ADAMTS6: variants seen among roughly 807,000 people sequenced by gnomAD.
The protein encoded by ADAMTS6 is ADAM metallopeptidase with thrombospondin type 1 motif 6, also known as A disintegrin and metalloproteinase with thrombospondin motifs 6.
Under a neutral mutation model 144.3 loss-of-function variants are expected in ADAMTS6, and 23 were observed. The observed-to-expected ratio is 0.16, with a 90% CI of 0.11 to 0.23. ADAMTS6 has a LOEUF of 0.23. Among genes scored for constraint, ADAMTS6 ranks in the 10% least tolerant of loss-of-function variants. The pLI is 1.00. For missense variants in ADAMTS6, 999 were observed against 1,379.6 expected (o/e 0.72, Z 4.37); for synonymous variants, 444 against 457.5 (o/e 0.97, Z 0.38).
chr5:65,271,466 T>G, intron 12 of ADAMTS6, among the ~76,000 whole-genome samples: 1 of 152,116 alleles, frequency 6.6e-6, no homozygotes, highest in Admixed American at 6.6e-5. Context: ...TTTAAAATTG[T>G]CTGAGAGTAT....
At chr5:65,461,375 A>G (rs968488874) in intron 3 of ADAMTS6, among the ~76,000 whole-genome samples, 4 of 152,244 alleles carry the variant, frequency 2.6e-5, no homozygotes. Flanking sequence ...GTTATATCTC[A>G]TATTTCTTCG....
intron 7 of ADAMTS6, among the ~76,000 whole-genome samples, chr5:65,389,631 C>G (rs1752749150): frequency 6.7e-6 from 1 of 150,182 alleles, no homozygotes; most frequent in Non-Finnish European, 1.5e-5. Flanking sequence ...AGTACCTAGC[C>G]AAAGCCAGCT....
intron 14 of ADAMTS6, among the ~76,000 whole-genome samples, chr5:65,246,595 G>C (rs527426256): frequency 6.6e-6 from 1 of 152,254 alleles, no homozygotes; most frequent in East Asian, 1.9e-4. Flanking sequence ...CAAGTGGAGA[G>C]TGAAAAGGAA....
intron 14 of ADAMTS6, among the ~76,000 whole-genome samples, chr5:65,245,777 A>G (rs1338909990): frequency 2.0e-5 from 3 of 152,112 alleles, no homozygotes; most frequent in Admixed American, 6.5e-5. Flanking sequence ...CAACTACTCA[A>G]CTGTGCATTA....
intron 9 of ADAMTS6, among the ~76,000 whole-genome samples, chr5:65,321,362 T>A (rs181466008): frequency 6.6e-6 from 1 of 152,294 alleles, no homozygotes; most frequent in African/African-American, 2.4e-5. Context: ...TGTCTGTTCA[T>A]GTCCTTTGCC....
intron 7 of ADAMTS6, among the ~76,000 whole-genome samples, chr5:65,397,147 A>G (rs1041255871): frequency 6.6e-6 from 1 of 152,226 alleles, no homozygotes; most frequent in African/African-American, 2.4e-5. Context: ...GCATTCCATT[A>G]TAACATTTTT....
chr5:65,151,870 C>G lies in ADAMTS6; in HGVS notation c.3320G>C (p.Arg1107Thr). ...KFKFCSRAYF[R>T]QMCCKTCQGH The stretch of plus-strand genomic sequence containing the variant: ...TTGGCAGGTCTTACAACACATCTGT[C>G]TGAAGTATGCTCGACTGCAGAACTT... Residue 1107 changes from arginine (R) to threonine (T), a missense_variant, in exon 25 of 25, where the codon AGA (arginine) becomes ACA (threonine). Arg to Thr is a moderately conservative substitution (Grantham distance 71, BLOSUM62 -1). This residue lies in a region of ADAMTS6 where 619 missense variants were observed against 837.0 expected (regional missense o/e 0.74). Transcript: ENST00000381055. 5 of 1,613,856 alleles carry G rather than the reference C, an allele frequency of 3.1e-6. No individual in the cohort carries two copies. In the East Asian group the frequency reaches 1.1e-4, roughly 36 times the overall value.
At chr5:65,390,773 G>A (rs867277574) in intron 7 of ADAMTS6, among the ~76,000 whole-genome samples, 2 of 152,084 alleles carry the variant, frequency 1.3e-5, no homozygotes, top group Non-Finnish European at 1.5e-5. Context: ...ACGTCACAGA[G>A]AGAAAGAATT....
chr5:65,394,149 T>C (rs1753149513), intron 7 of ADAMTS6, among the ~76,000 whole-genome samples: 1 of 152,218 alleles, frequency 6.6e-6, no homozygotes, highest in Non-Finnish European at 1.5e-5. Flanking sequence ...AGGCTTGTAG[T>C]GTCAGAGGCT....
rs549698210 is a variant in ADAMTS6, at chr5:65,190,984, C to T, written c.2706-2764G>A. Among the ~76,000 whole-genome samples, 177 of 152,162 alleles carry T rather than the reference C, an allele frequency of 1.2e-3. 2 individuals carry two copies. In the South Asian group the frequency reaches 0.015, roughly 13 times the overall value. Reference sequence around the variant, plus strand: ...TGCTTTCCCTTGTCTTCCTTCTCCACGTATTTGACCCTCTGATGGCATTCT... The same window carrying T: ...TGCTTTCCCTTGTCTTCCTTCTCCATGTATTTGACCCTCTGATGGCATTCT... On this transcript the variant is annotated intron_variant, in intron 21 of 24. Coordinates refer to ENST00000381055, the MANE Select transcript of ADAMTS6 (RefSeq NM_197941.4).
intron 24 of ADAMTS6, among the ~76,000 whole-genome samples, chr5:65,152,635 G>T (rs1752198109): frequency 6.6e-6 from 1 of 152,202 alleles, no homozygotes; most frequent in African/African-American, 2.4e-5. Flanking sequence ...AACTGCCACA[G>T]TTGCAGTCTG....
At chr5:65,255,684 T>C (rs1464047659) in intron 14 of ADAMTS6, among the ~76,000 whole-genome samples, 2 of 151,818 alleles carry the variant, frequency 1.3e-5, no homozygotes, top group African/African-American at 2.4e-5. Context: ...CCCTCTCTCA[T>C]AGAATTTGAC....
At chr5:65,338,406 G>C (rs1747508046) in intron 7 of ADAMTS6, among the ~76,000 whole-genome samples, 1 of 152,222 alleles carries the variant, frequency 6.6e-6, no homozygotes, top group African/African-American at 2.4e-5. Context: ...TGTAACGTTG[G>C]TATACTTTTT....
intron 14 of ADAMTS6, among the ~76,000 whole-genome samples, chr5:65,253,116 G>A (rs989534817): frequency 2.0e-5 from 3 of 151,858 alleles, no homozygotes; most frequent in African/African-American, 4.8e-5. Context: ...TCAAACTCCC[G>A]GGCTCAAGCG....
intron 7 of ADAMTS6, among the ~76,000 whole-genome samples, chr5:65,395,878 A>G (rs954314479): frequency 4.6e-5 from 7 of 152,224 alleles, no homozygotes; most frequent in African/African-American, 1.4e-4. Flanking sequence ...AATAGACTCA[A>G]TCATAACGGT....
rs1752150585 is a variant in ADAMTS6, at chr5:65,151,812, G to T, written c.*24C>A. 1 of 1,584,172 alleles carries T rather than the reference G, an allele frequency of 6.3e-7. No individual in the cohort carries two copies. Among genetic ancestry groups the T allele is most frequent in the Non-Finnish European group, 8.7e-7 (1 of 1,154,408 alleles). On this transcript the variant is annotated 3_prime_UTR_variant, in exon 25 of 25. Transcript: ENST00000381055. ...TGCATTTCCATGATGAAATGACAAG[G>T]CACTCTCTCTGGCTTTCTGTGGGTC...
At chr5:65,314,904 G>A (rs896719935) in intron 9 of ADAMTS6, among the ~76,000 whole-genome samples, 2 of 151,782 alleles carry the variant, frequency 1.3e-5, no homozygotes, top group Non-Finnish European at 2.9e-5. Context: ...CAGAAAGGAA[G>A]GACATCAAAA....
chr5:65,365,539 TG>T (rs1327582038), intron 7 of ADAMTS6, among the ~76,000 whole-genome samples: 1 of 151,460 alleles, frequency 6.6e-6, no homozygotes, highest in Non-Finnish European at 1.5e-5. Context: ...CTCAGTTACT[TG>T]GGAGGCTGAG....
At chr5:65,287,104 G>A (rs1432278230) in intron 11 of ADAMTS6, among the ~76,000 whole-genome samples, 2 of 152,192 alleles carry the variant, frequency 1.3e-5, no homozygotes, top group Non-Finnish European at 2.9e-5. Flanking sequence ...GATATTTTTA[G>A]ATGATCTGGT....
Sources: gnomAD v4.1 joint callset for allele counts (sites outside exome capture counted in the v4.1 genomes callset) on GRCh38, gnomAD v4.1.1 for gene constraint, gnomAD v4.1.1 regional missense constraint, MANE v1.5 for transcripts, NCBI Gene and HGNC (gene_info 2026-07-23, HGNC 2026-07-21) for gene names.